EGLN1: variants seen among roughly 807,000 people sequenced by gnomAD.
EGLN1 encodes egl-9 family hypoxia inducible factor 1, also known as egl nine homolog 1.
A neutral mutation model predicts 38.3 loss-of-function variants in EGLN1; 17 were observed. That is an observed-to-expected ratio of 0.44 (90% confidence interval 0.30 to 0.67). EGLN1 has a LOEUF of 0.67. EGLN1 is among the 30% of genes least tolerant of loss of function. The pLI is 0.08. For missense variants in EGLN1, 477 were observed against 603.3 expected, an observed-to-expected ratio of 0.79 and a Z score of 2.19; for synonymous variants, 283 against 257.5, an observed-to-expected ratio of 1.10 and a Z score of -0.95.
intron 1 of EGLN1, among the ~76,000 whole-genome samples, chr1:231,381,359 T>C (rs1688074109): frequency 6.6e-6 from 1 of 152,172 alleles, no homozygotes; most frequent in Admixed American, 6.5e-5. Context: ...ATATTAATTA[T>C]CAATGTAAAG....
At chr1:231,370,024 T>C (rs543642958) in intron 3 of EGLN1, among the ~76,000 whole-genome samples, 13 of 152,312 alleles carry the variant, frequency 8.5e-5, no homozygotes, top group Admixed American at 4.6e-4. Flanking sequence ...AGATGCTCAT[T>C]ATTTGTAAAG....
rs1553353099 is a variant in EGLN1 at position 231,391,092 on chromosome 1, T to TG, written c.892-16994_892-16993insC. 8.6e-3 allele frequency among the ~76,000 whole-genome samples: 576 copies of TG among 67,348 alleles called. 99 individuals carry two copies. The highest frequency in any genetic ancestry group is 0.028 in the East Asian group (69 of 2,506). 44.2% of individuals were successfully genotyped at this position (67,348 alleles called of 152,430 possible). On this transcript the variant is annotated intron_variant, in intron 1 of 4. Transcript: ENST00000366641. ...ACAGGGAACTCATTCTGTTTTTTTTTTGTGTGTGTGTGTGTGTGTGTGTGT... is the reference window on the plus strand; with the variant it reads ...ACAGGGAACTCATTCTGTTTTTTTTTGTGTGTGTGTGTGTGTGTGTGTGTGT...
chr1:231,417,870 G>C (rs1419562561), intron 1 of EGLN1, among the ~76,000 whole-genome samples: 1 of 152,114 alleles, frequency 6.6e-6, no homozygotes, highest in Non-Finnish European at 1.5e-5. Context: ...CTGACATAAA[G>C]AGCATGCAAT....
chr1:231,421,503 G>A lies in EGLN1; in HGVS notation c.386C>T (p.Ala129Val), dbSNP rs1380554913. ...CGCCGAGCCCTGGCCGCCGGCGGCC[G>A]CACGACACGGCGACGCGGCCGCCGC... ...DPAAAASPCR[A>V]AAGGQGSAVA... Residue 129 changes from alanine to valine, a missense_variant, in exon 1 of 5, where the codon GCG becomes GTG. Physicochemically the swap from Ala to Val is moderately conservative, Grantham distance 64. This residue lies in a region of EGLN1 where 298 missense variants were observed against 288.9 expected (regional missense o/e 1.03). Transcript: ENST00000366641. This position sits in a 1 kb window ranked among gnomAD's most constrained non-coding sequence, Gnocchi z 5.5. 3.0e-6 allele frequency: 4 copies of A among 1,326,490 alleles called. No individual in the cohort carries two copies. The Admixed American group carries it at 1.2e-4, about 40-fold the overall frequency. The allele number at this position is 1,326,490 out of a possible 1,614,324, so 82.2% of individuals were successfully genotyped here.
At chr1:231,417,742 T>C (rs371209702) in intron 1 of EGLN1, among the ~76,000 whole-genome samples, 3 of 152,316 alleles carry the variant, frequency 2.0e-5, no homozygotes, top group African/African-American at 7.2e-5. Flanking sequence ...TGGTTCCTTT[T>C]TTAAAGTAGT....
chr1:231,410,691 G>GA (rs756377137), intron 1 of EGLN1, among the ~76,000 whole-genome samples: 25 of 150,704 alleles, frequency 1.7e-4, no homozygotes, highest in African/African-American at 6.1e-4. Context: ...TGAACTTTAG[G>GA]AAAAAAAACT....
chr1:231,406,688 T>C (rs1688805274), intron 1 of EGLN1, among the ~76,000 whole-genome samples: 2 of 152,024 alleles, frequency 1.3e-5, no homozygotes, highest in African/African-American at 4.8e-5. Context: ...TTTTTGGAAC[T>C]CTAACGGGGT....
In EGLN1 at chr1:231,366,115, TAAG is replaced by T. The variant is rs1687639014; in HGVS notation, c.*293_*295del. 9.4e-6 allele frequency: 4 copies of T among 424,666 alleles called. No individual in the cohort carries two copies. In the South Asian group the frequency reaches 1.1e-4, roughly 11 times the overall value. 26.3% of individuals were successfully genotyped at this position (424,666 alleles called of 1,614,324 possible). On this transcript the variant is annotated 3_prime_UTR_variant, in exon 5 of 5. Coordinates refer to ENST00000366641, the MANE Select transcript of EGLN1 (RefSeq NM_022051.3). ...GCTAGATAACAGATCTGGCAAAATA[TAAG>T]AATGAAAAAAATTCTACACAGGGCA...
chr1:231,369,154 C>T (rs960243745), intron 3 of EGLN1, among the ~76,000 whole-genome samples: 7 of 152,054 alleles, frequency 4.6e-5, no homozygotes, highest in African/African-American at 1.7e-4. Context: ...TTAACTTGAA[C>T]AACTACGCCT....
intron 1 of EGLN1, among the ~76,000 whole-genome samples, chr1:231,379,439 C>T (rs1688029768): frequency 1.3e-5 from 2 of 152,192 alleles, no homozygotes; most frequent in Admixed American, 6.5e-5. Flanking sequence ...AAGACCAAAA[C>T]ACTTCTAATG....
intron 2 of EGLN1, among the ~76,000 whole-genome samples, chr1:231,371,337 AG>A (rs1299343483): frequency 6.6e-6 from 1 of 152,232 alleles, no homozygotes; most frequent in Non-Finnish European, 1.5e-5. Context: ...TCAAATAGAT[AG>A]ATTTCAAGAA....
rs1294719387 is a variant in EGLN1, at chr1:231,370,749, ATTAAAT to A, written c.1012-57_1012-52del. On this transcript the variant is annotated intron_variant, in intron 2 of 4. Transcript: ENST00000366641. ...CAGGAGTAACCAAAAATGCTACAAG[ATTAAAT>A]TTAGGGGGAAAAAAAGAGACAATTT... The A allele has an allele frequency of 1.9e-6, 3 of 1,602,304 alleles. No individual in the cohort carries two copies. In the African/African-American group the frequency reaches 4.0e-5, roughly 21 times the overall value.
At position 231,364,966 on chromosome 1, in the gene EGLN1, AAAGT is replaced by A. The variant is rs1440039985; in HGVS notation, c.*1441_*1444del. ...TTTCTAATATTCCTTCCTTGTTTAA[AAAGT>A]AAATAAGAAAACCCATGAAACAAAA... On this transcript the variant is annotated 3_prime_UTR_variant, in exon 5 of 5. Coordinates refer to ENST00000366641, the MANE Select transcript of EGLN1 (RefSeq NM_022051.3). 1 of 152,200 alleles carries A rather than the reference AAAGT, an allele frequency of 6.6e-6. No homozygotes were observed. Among genetic ancestry groups the A allele is most frequent in the African/African-American group, 2.4e-5 (1 of 41,442 alleles). The allele number at this position is 152,200 out of a possible 1,614,324, so 9.4% of individuals were successfully genotyped here.
rs528520765 is a variant in EGLN1 at position 231,421,350 on chromosome 1, C to T, written c.539G>A (p.Arg180Gln). Residue 180 changes from arginine to glutamine, a missense_variant, in exon 1 of 5, where the codon CGG becomes CAG. Around this residue, in one of 4 missense-constraint regions of EGLN1, gnomAD observed 298 missense variants for 288.9 expected, o/e 1.03. Coordinates refer to ENST00000366641, the MANE Select transcript of EGLN1 (RefSeq NM_022051.3). The surrounding 1 kb of genome is among the most constrained non-coding windows in gnomAD (Gnocchi z 5.5). ...GDALSPGGGL[R>Q]PNGQTKPLPA... Reference sequence around the variant, plus strand: ...CAGGGGCTTCGTCTGCCCGTTGGGCCGCAGGCCGCCGCCGGGGCTCAGCGC... The same window carrying T: ...CAGGGGCTTCGTCTGCCCGTTGGGCTGCAGGCCGCCGCCGGGGCTCAGCGC... The T allele has an allele frequency of 6.2e-7, 1 of 1,610,026 alleles. No individual in the cohort carries two copies. The highest frequency in any genetic ancestry group is 1.3e-5 in the African/African-American group (1 of 74,988).
In EGLN1 at chr1:231,422,010, C is replaced by T; in HGVS notation, c.-122G>A. 9.1e-7 allele frequency: 1 copy of T among 1,095,434 alleles called. No individual in the cohort carries two copies. Among genetic ancestry groups the T allele is most frequent in the Non-Finnish European group, 1.2e-6 (1 of 847,100 alleles). The allele number at this position is 1,095,434 out of a possible 1,614,324, so 67.9% of individuals were successfully genotyped here. A position where few individuals can be genotyped will look rare whatever the true frequency, so the allele number is the denominator to read the frequency against. ...AGGGGCCGTTACTGCGCCATGCACC[C>T]GCTACCCTCGCCTCAGGGAGGCCGG... On this transcript the variant is annotated 5_prime_UTR_variant, in exon 1 of 5. Transcript: ENST00000366641.
At chr1:231,414,193 G>A (rs1689019289) in intron 1 of EGLN1, among the ~76,000 whole-genome samples, 1 of 152,180 alleles carries the variant, frequency 6.6e-6, no homozygotes, top group African/African-American at 2.4e-5. Context: ...CGAGGGCACA[G>A]TGGAAAAGAA....
At chr1:231,367,502 C>T in intron 4 of EGLN1, 67 bp downstream of exon 4, 1 of 1,487,478 alleles carries the variant, frequency 6.7e-7, no homozygotes, top group Non-Finnish European at 9.4e-7. Context: ...GCTTGAGTTT[C>T]CTGAAAGCAT....
At chr1:231,393,473 T>C (rs1052097049) in intron 1 of EGLN1, among the ~76,000 whole-genome samples, 2 of 152,224 alleles carry the variant, frequency 1.3e-5, no homozygotes, top group Non-Finnish European at 2.9e-5. Flanking sequence ...CCTGGGCATG[T>C]GTCTAATCCT....
In EGLN1 at chr1:231,408,785, C is replaced by T. The variant is rs540000575; in HGVS notation, c.891+12213G>A. ...TGATGGGAAGTGCCAGAGGAACAGA[C>T]AGGACAAAGTTGTAGCTCTGCTTAG... On this transcript the variant is annotated intron_variant, in intron 1 of 4. Transcript: ENST00000366641. Among the ~76,000 whole-genome samples, 14 of 152,110 alleles carry T rather than the reference C, an allele frequency of 9.2e-5. No homozygotes were observed. The South Asian group carries it at 2.3e-3, about 25-fold the overall frequency.
Sources: allele counts gnomAD v4.1 joint callset (sites outside exome capture counted in the v4.1 genomes callset), GRCh38; gene constraint gnomAD v4.1.1; regional missense constraint gnomAD v4.1.1; non-coding constraint Gnocchi (gnomAD v3.1); transcripts MANE v1.5; gene names NCBI Gene and HGNC (gene_info 2026-07-23, HGNC 2026-07-21).